The following EPHA5 variants were observed in gnomAD, a reference collection of about 807,000 sequenced individuals.
EPHA5 encodes EPH receptor A5.
A neutral mutation model predicts 105.0 loss-of-function variants in EPHA5; 60 were observed. The ratio of observed to expected loss-of-function variants is 0.57; its 90% CI spans 0.46 to 0.71. The LOEUF (loss-of-function observed/expected upper bound fraction) is 0.71. Ranked by LOEUF, EPHA5 falls within the 30% of genes least tolerant of loss-of-function variation. The pLI is 0.00. For missense variants in EPHA5, 1,218 were observed against 1,274.7 expected, an observed-to-expected ratio of 0.96 and a Z score of 0.68; for synonymous variants, 513 against 449.1, an observed-to-expected ratio of 1.14 and a Z score of -1.80.
At chr4:65,533,657 G>A (rs188634979) in intron 3 of EPHA5, among the ~76,000 whole-genome samples, 586 of 152,202 alleles carry the variant, frequency 3.9e-3, no homozygotes, top group Middle Eastern at 6.8e-3. Context: ...GATGAGGGCC[G>A]GGCACAGTGG....
rs1009905098 is a variant in EPHA5 at position 65,445,453 on chromosome 4, A to G, written c.1403-24888T>C. The stretch of plus-strand genomic sequence containing the variant: ...AATGATGAATAGCTGGAAGCCTTCA[A>G]ATATTGCTTCTTTATGAGAAAAGTT... On this transcript the variant is annotated intron_variant, in intron 5 of 16. Coordinates refer to ENST00000613740, the MANE Select transcript of EPHA5 (RefSeq NM_001281766.3). 3.3e-5 allele frequency among the ~76,000 whole-genome samples: 5 copies of G among 152,140 alleles called. No individual in the cohort carries two copies. In the East Asian group the frequency reaches 9.6e-4, roughly 29 times the overall value.
At chr4:65,331,809 AC>A in intron 16 of EPHA5, 163 bp downstream of exon 16, 1 of 1,300,816 alleles carries the variant, frequency 7.7e-7, no homozygotes, top group Non-Finnish European at 9.7e-7. Context: ...TGTAGCATTA[AC>A]CATGCAGTTG....
At chr4:65,659,354 A>C (rs1263077255) in intron 1 of EPHA5, among the ~76,000 whole-genome samples, 2 of 104,806 alleles carry the variant, frequency 1.9e-5, no homozygotes, top group East Asian at 3.1e-4. Context: ...AAAAAAAAAA[A>C]AAAACAGGAA....
intron 16 of EPHA5, chr4:65,330,741 A>T (rs1034314824): frequency 1.0e-6 from 1 of 1,003,938 alleles, no homozygotes; most frequent in Admixed American, 5.9e-5. Flanking sequence ...ATTTTTCAGT[A>T]TACCAGTTTA....
chr4:65,371,471 A>C (rs773352869), intron 8 of EPHA5, among the ~76,000 whole-genome samples: 2 of 152,124 alleles, frequency 1.3e-5, no homozygotes, highest in Non-Finnish European at 2.9e-5. Context: ...GATCTTAAAA[A>C]TTTGGTTGCA....
chr4:65,503,908 TACACACACACACACAC>T (rs34693427), intron 3 of EPHA5, among the ~76,000 whole-genome samples: 1 of 145,356 alleles, frequency 6.9e-6, no homozygotes, highest in African/African-American at 2.5e-5. Context: ...ATGTGTGTGA[TACACACACACACACAC>T]ACACACACAC....
chr4:65,505,387 C>T (rs1054057233), intron 3 of EPHA5, among the ~76,000 whole-genome samples: 2 of 152,084 alleles, frequency 1.3e-5, no homozygotes, highest in East Asian at 3.9e-4. Context: ...GATTTAACAA[C>T]TTAAATTCTT....
At chr4:65,356,099 T>C (rs1723271367) in intron 11 of EPHA5, among the ~76,000 whole-genome samples, 1 of 151,520 alleles carries the variant, frequency 6.6e-6, no homozygotes, top group African/African-American at 2.4e-5. Flanking sequence ...TCATATCACA[T>C]GAACAGACGC....
chr4:65,373,113 A>C (rs924065470), intron 8 of EPHA5, among the ~76,000 whole-genome samples: 5 of 151,896 alleles, frequency 3.3e-5, no homozygotes, highest in African/African-American at 1.2e-4. Context: ...ATTAATTTTT[A>C]ACTGTTTCAT....
At chr4:65,367,312 G>C in intron 9 of EPHA5, 45 bp downstream of exon 9, 1 of 1,439,022 alleles carries the variant, frequency 6.9e-7, no homozygotes, top group Non-Finnish European at 9.7e-7. Flanking sequence ...TAACAATAAA[G>C]TGTCCCCTAT....
rs2149213332 is a variant in EPHA5, at chr4:65,490,543, G to A, written c.1236C>T (p.Val412=). The A allele has an allele frequency of 1.2e-6, 2 of 1,614,110 alleles. No individual in the cohort carries two copies. The highest frequency in any genetic ancestry group is 1.7e-6 in the Non-Finnish European group (2 of 1,180,020). Residue 412 remains valine, a synonymous_variant, in exon 5 of 17, where the codon GTC becomes GTT. Coordinates refer to ENST00000613740, the MANE Select transcript of EPHA5 (RefSeq NM_001281766.3). The part of the protein sequence containing the change: ...AGVCEECGGH[V]RYLPRQSGLK... Reference sequence around the variant, plus strand: ...GGCCGCTTTGCCGGGGAAGGTACCTGACATGACCGCCACACTCCTCACACA... The same window carrying A: ...GGCCGCTTTGCCGGGGAAGGTACCTAACATGACCGCCACACTCCTCACACA...
At chr4:65,447,207 G>A (rs1004125238) in intron 5 of EPHA5, among the ~76,000 whole-genome samples, 11 of 151,722 alleles carry the variant, frequency 7.3e-5, no homozygotes, top group African/African-American at 2.7e-4. Flanking sequence ...GCGGGTTGGG[G>A]GGTGGGTAAG....
At chr4:65,478,017 T>C (rs988128663) in intron 5 of EPHA5, among the ~76,000 whole-genome samples, 4 of 152,174 alleles carry the variant, frequency 2.6e-5, no homozygotes, top group African/African-American at 4.8e-5. Flanking sequence ...ACCATAATCG[T>C]TATTGAATAA....
chr4:65,371,459 C>T (rs1718463165), intron 8 of EPHA5, among the ~76,000 whole-genome samples: 1 of 151,974 alleles, frequency 6.6e-6, no homozygotes, highest in African/African-American at 2.4e-5. Context: ...ACTATTAATG[C>T]TGATCTTAAA....
intron 3 of EPHA5, among the ~76,000 whole-genome samples, chr4:65,563,276 A>T (rs1739206000): frequency 6.6e-6 from 1 of 152,042 alleles, no homozygotes; most frequent in Non-Finnish European, 1.5e-5. Flanking sequence ...ATGGCTGATG[A>T]AAACAAAACT....
At chr4:65,494,648 T>A (rs1012651455) in intron 4 of EPHA5, among the ~76,000 whole-genome samples, 12 of 152,198 alleles carry the variant, frequency 7.9e-5, no homozygotes, top group African/African-American at 2.9e-4. Flanking sequence ...ACTGCAAATG[T>A]CAGAATTAAA....
chr4:65,495,472 T>C lies in EPHA5; in HGVS notation c.982A>G (p.Thr328Ala), dbSNP rs2149226115. The change falls in exon 4 of 17, where the codon ACC (threonine) becomes GCC (alanine). Residue 328 changes from threonine (T) to alanine (A), a missense_variant. Thr to Ala is a moderately conservative substitution (Grantham distance 58, BLOSUM62 0). Around this residue, in one of 3 missense-constraint regions of EPHA5, gnomAD observed 971 missense variants for 1,013.5 expected, o/e 0.96. Coordinates refer to ENST00000613740, the MANE Select transcript of EPHA5 (RefSeq NM_001281766.3). ...SCGKCPPHSY[T>A]HEEASTSCVC... ...CAAGAGGTTGAAGCTTCCTCATGGG[T>C]ATAACTGTGAGGTGGACATTTGCCG... The C allele has an allele frequency of 6.2e-7, 1 of 1,613,824 alleles. No homozygotes were observed. The highest frequency in any genetic ancestry group is 8.5e-7 in the Non-Finnish European group (1 of 1,179,820).
intron 5 of EPHA5, among the ~76,000 whole-genome samples, chr4:65,464,770 T>C (rs540019041): frequency 2.2e-4 from 33 of 152,206 alleles, no homozygotes; most frequent in Middle Eastern, 3.4e-3. Flanking sequence ...TCAGTTTCAA[T>C]TGATAAAATT....
chr4:65,446,147 A>G (rs1435853786), intron 5 of EPHA5, among the ~76,000 whole-genome samples: 4 of 152,270 alleles, frequency 2.6e-5, no homozygotes, highest in East Asian at 1.9e-4. Flanking sequence ...AAATGTTTCA[A>G]TGGGTTACAA....
Sources: gnomAD v4.1 joint callset for allele counts (sites outside exome capture counted in the v4.1 genomes callset) on GRCh38, gnomAD v4.1.1 for gene constraint, gnomAD v4.1.1 regional missense constraint, MANE v1.5 for transcripts, NCBI Gene and HGNC (gene_info 2026-07-23, HGNC 2026-07-21) for gene names.